Variants in RASA2 observed in about 807,000 individuals in gnomAD.
RASA2 encodes RAS p21 protein activator 2.
In RASA2, 155 loss-of-function variants were observed where a neutral mutation model predicts 118.2. That is an observed-to-expected ratio of 1.31 (90% CI 1.15 to 1.50). The LOEUF (loss-of-function observed/expected upper bound fraction) is 1.50, where lower values mean the gene tolerates loss of function less well. Ranked by LOEUF, RASA2 falls within the 40% of genes most tolerant of loss-of-function variation. The pLI, the probability that RASA2 is intolerant of heterozygous loss-of-function variation, is 0.00. For missense variants in RASA2, 1,016 were observed against 1,009.6 expected (o/e 1.01, Z -0.09); for synonymous variants, 353 against 349.1 (o/e 1.01, Z -0.12).
rs145722882 is a variant in RASA2 at position 141,526,878 on chromosome 3, T to C, written c.356-2830T>C. ...GTGACAGTGAATGTCATGATACTCA[T>C]GATGCAGAATAGGAGGAAGAGGCTG... On this transcript the variant is annotated intron_variant, in intron 3 of 23. Transcript: ENST00000286364. 1.8e-4 allele frequency among the ~76,000 whole-genome samples: 28 copies of C among 152,332 alleles called. No homozygotes were observed. In the East Asian group the frequency reaches 4.4e-3, roughly 24 times the overall value.
intron 2 of RASA2, among the ~76,000 whole-genome samples, chr3:141,513,815 C>T (rs192127825): frequency 3.3e-5 from 5 of 152,292 alleles, no homozygotes; most frequent in Admixed American, 1.3e-4. Context: ...CATAAAGATA[C>T]TGCATTTCAT....
At chr3:141,609,613 C>A (rs974273447) in intron 22 of RASA2, 90 bp downstream of exon 22, 2 of 1,037,014 alleles carry the variant, frequency 1.9e-6, no homozygotes, top group Non-Finnish European at 2.7e-6. Flanking sequence ...GTTGAAAATA[C>A]TCATAGATTT....
At chr3:141,609,284 C>G (rs1480779488) in intron 21 of RASA2, 136 bp from the exon 22 acceptor site, 1 of 509,848 alleles carries the variant, frequency 2.0e-6, no homozygotes, top group Non-Finnish European at 3.3e-6. Context: ...TTTTAACTGT[C>G]AAATGAAACT....
chr3:141,503,373 T>C (rs770662722), intron 1 of RASA2, among the ~76,000 whole-genome samples: 13 of 152,224 alleles, frequency 8.5e-5, no homozygotes, highest in Non-Finnish European at 1.3e-4. Flanking sequence ...TTGTCCTAGA[T>C]AAAATTTATA....
At chr3:141,606,797 A>G (rs1004492248) in intron 19 of RASA2, among the ~76,000 whole-genome samples, 1 of 152,196 alleles carries the variant, frequency 6.6e-6, no homozygotes, top group Non-Finnish European at 1.5e-5. Flanking sequence ...TTGGTTAAAT[A>G]ATATAAAATG....
intron 19 of RASA2, among the ~76,000 whole-genome samples, chr3:141,606,986 C>T (rs879639241): frequency 2.0e-5 from 3 of 152,078 alleles, no homozygotes; most frequent in African/African-American, 4.8e-5. Context: ...TCAGGTAAAT[C>T]GTTAAGTTGA....
intron 3 of RASA2, among the ~76,000 whole-genome samples, chr3:141,526,981 T>G (rs2082194394): frequency 6.6e-6 from 1 of 152,210 alleles, no homozygotes; most frequent in Admixed American, 6.5e-5. Context: ...ATGAGATGTA[T>G]TTCCAGTGAT....
intron 1 of RASA2, among the ~76,000 whole-genome samples, chr3:141,508,586 C>T (rs115973571): frequency 0.014 from 2,072 of 152,066 alleles, 62 homozygotes; most frequent in African/African-American, 0.047. Flanking sequence ...ACCATGTTGC[C>T]AAGGCTGGTT....
At chr3:141,549,980 G>A (rs9830055) in intron 5 of RASA2, among the ~76,000 whole-genome samples, 37,725 of 152,070 alleles carry the variant, frequency 0.25, 5,347 homozygotes, top group Non-Finnish European at 0.32. Flanking sequence ...AAATATAAGC[G>A]AATACTGGTA....
At chr3:141,495,026 T>A (rs897334038) in intron 1 of RASA2, among the ~76,000 whole-genome samples, 3 of 152,192 alleles carry the variant, frequency 2.0e-5, no homozygotes, top group African/African-American at 2.4e-5. Context: ...GAAAGGTAAG[T>A]GAAGACTTAT....
At chr3:141,552,449 A>G (rs2082588749) in intron 5 of RASA2, among the ~76,000 whole-genome samples, 1 of 152,186 alleles carries the variant, frequency 6.6e-6, no homozygotes, top group Non-Finnish European at 1.5e-5. Context: ...TAACTTCCTC[A>G]CATAACCTGT....
chr3:141,506,935 A>G, intron 1 of RASA2, among the ~76,000 whole-genome samples: 1 of 152,000 alleles, frequency 6.6e-6, no homozygotes, highest in African/African-American at 2.4e-5. Context: ...AAAAAAAAGA[A>G]AAAGAAAAAA....
At chr3:141,610,947 A>T (rs572190368) in intron 23 of RASA2, among the ~76,000 whole-genome samples, 2 of 152,342 alleles carry the variant, frequency 1.3e-5, no homozygotes, top group South Asian at 4.1e-4. Flanking sequence ...AAGTGCTAGA[A>T]TTATTTTATA....
At chr3:141,580,572 A>ACACACC (rs2107769787) in intron 16 of RASA2, 121 bp downstream of exon 16, 1 of 641,560 alleles carries the variant, frequency 1.6e-6, no homozygotes, top group Non-Finnish European at 2.6e-6. Context: ...ACACACACAC[A>ACACACC]CACACAGACA....
chr3:141,530,262 C>T (rs745827788), intron 4 of RASA2, among the ~76,000 whole-genome samples: 7 of 152,110 alleles, frequency 4.6e-5, no homozygotes, highest in Non-Finnish European at 8.8e-5. Context: ...CCTTCACTCC[C>T]ACACCCACCC....
At chr3:141,579,917 G>A (rs1382654583) in intron 15 of RASA2, among the ~76,000 whole-genome samples, 1 of 151,330 alleles carries the variant, frequency 6.6e-6, no homozygotes, top group African/African-American at 2.4e-5. Flanking sequence ...TTAGCCAGGT[G>A]TGGTGTCAGG....
At position 141,573,998 on chromosome 3, in the gene RASA2, A is replaced by T; in HGVS notation, c.1414A>T (p.Met472Leu). 1 of 1,590,150 alleles carries T rather than the reference A, an allele frequency of 6.3e-7. No homozygotes were observed. The highest frequency in any genetic ancestry group is 8.6e-7 in the Non-Finnish European group (1 of 1,162,514). The change falls in exon 14 of 24, where the codon ATG (methionine) becomes TTG (leucine). Residue 472 changes from methionine to leucine, a missense_variant. Met to Leu is a conservative substitution (Grantham distance 15). Coordinates refer to ENST00000286364, the MANE Select transcript of RASA2 (RefSeq NM_006506.5). ...KLFNTIVKSS[M>L]SCPTVMCDIF... ...ATTCAATACAATTGTAAAATCAAGT[A>T]TGAGCTGCCCCACTGTAATGTGTGA...
chr3:141,491,625 A>G (rs73869640), intron 1 of RASA2, among the ~76,000 whole-genome samples: 1,890 of 152,334 alleles, frequency 0.012, 42 homozygotes, highest in African/African-American at 0.043. Flanking sequence ...GTTAGTATTA[A>G]GAGAAAACTG....
chr3:141,572,846 TTTA>T (rs1242861673), intron 12 of RASA2, 123 bp downstream of exon 12: 2 of 771,730 alleles, frequency 2.6e-6, no homozygotes, highest in African/African-American at 3.6e-5. Flanking sequence ...GACTGAACAC[TTTA>T]GAAGCAAATT....
Sources: allele counts gnomAD v4.1 joint callset (sites outside exome capture counted in the v4.1 genomes callset), GRCh38; gene constraint gnomAD v4.1.1; transcripts MANE v1.5; gene names NCBI Gene and HGNC (gene_info 2026-07-23, HGNC 2026-07-21).